Variants in ZC2HC1A observed in about 807,000 individuals in gnomAD.
ZC2HC1A encodes the protein zinc finger C2HC domain-containing protein 1A.
A neutral mutation model predicts 40.7 loss-of-function variants in ZC2HC1A; 28 were observed. The ratio of observed to expected loss-of-function variants is 0.69; its 90% CI spans 0.51 to 0.94. ZC2HC1A has a LOEUF of 0.94. ZC2HC1A is among the 40% of genes least tolerant of loss of function. ZC2HC1A has a pLI of 0.00. For synonymous variants in ZC2HC1A, 129 were observed against 129.2 expected, an observed-to-expected ratio of 1.00 and a Z score of 0.01; for missense variants, 389 against 386.3, an observed-to-expected ratio of 1.01 and a Z score of -0.06.
chr8:78,679,872 A>G (rs1809711767), intron 3 of ZC2HC1A, among the ~76,000 whole-genome samples: 1 of 152,204 alleles, frequency 6.6e-6, no homozygotes, highest in Admixed American at 6.5e-5. Flanking sequence ...AATAAGCTGT[A>G]TAAATCAATA....
intron 5 of ZC2HC1A, among the ~76,000 whole-genome samples, chr8:78,696,043 C>CT (rs1022267808): frequency 1.4e-4 from 21 of 148,620 alleles, no homozygotes; most frequent in African/African-American, 2.2e-4. Context: ...ATTTTTCTTT[C>CT]TTTTTTTTTT....
chr8:78,715,316 G>A lies in ZC2HC1A; in HGVS notation c.800G>A (p.Ser267Asn). 1 of 1,612,694 alleles carries A rather than the reference G, an allele frequency of 6.2e-7. No homozygotes were observed. The highest frequency in any genetic ancestry group is 8.5e-7 in the Non-Finnish European group (1 of 1,179,484). The change falls in exon 8 of 9, where the codon AGC becomes AAC. Residue 267 changes from serine to asparagine, a missense_variant. Coordinates refer to ENST00000263849, the MANE Select transcript of ZC2HC1A (RefSeq NM_016010.3). ...AACAAAAGAAAAACATATACTGAGAGCTACATAGCCAGGTATGTTTAGCTC... is the reference window on the plus strand; with the variant it reads ...AACAAAAGAAAAACATATACTGAGAACTACATAGCCAGGTATGTTTAGCTC... ...LTNKRKTYTE[S>N]YIARPDGDCA...
intron 7 of ZC2HC1A, among the ~76,000 whole-genome samples, chr8:78,713,710 CA>C (rs1255682405): frequency 6.6e-6 from 1 of 152,136 alleles, no homozygotes; most frequent in Non-Finnish European, 1.5e-5. Context: ...AGTAACTATG[CA>C]AAGCAACCAC....
intron 7 of ZC2HC1A, among the ~76,000 whole-genome samples, chr8:78,713,385 T>C (rs1261818668): frequency 6.6e-6 from 1 of 152,064 alleles, no homozygotes; most frequent in Non-Finnish European, 1.5e-5. Context: ...GTTACCGATA[T>C]GGTGACATTA....
At chr8:78,689,508 A>G (rs1175465511) in intron 5 of ZC2HC1A, 135 bp downstream of exon 5, 10 of 777,908 alleles carry the variant, frequency 1.3e-5, no homozygotes, top group Non-Finnish European at 1.3e-5. Context: ...TTATATATCT[A>G]TAAAAGTTGT....
intron 5 of ZC2HC1A, among the ~76,000 whole-genome samples, chr8:78,695,512 T>C (rs1443864035): frequency 6.6e-6 from 1 of 152,196 alleles, no homozygotes; most frequent in Middle Eastern, 3.2e-3. Context: ...ACAGTTTGAG[T>C]GGGTCAGCAG....
chr8:78,698,548 A>G (rs753721040), intron 7 of ZC2HC1A, 35 bp downstream of exon 7: 13 of 1,447,956 alleles, frequency 9.0e-6, no homozygotes, highest in Non-Finnish European at 1.2e-5. Context: ...TTAGTGGTAT[A>G]TAATTAAACG....
At chr8:78,703,301 T>C (rs759214820) in intron 7 of ZC2HC1A, among the ~76,000 whole-genome samples, 1 of 152,152 alleles carries the variant, frequency 6.6e-6, no homozygotes, top group African/African-American at 2.4e-5. Flanking sequence ...TTTGATCCAG[T>C]GCTGAGTTCA....
intron 8 of ZC2HC1A, among the ~76,000 whole-genome samples, chr8:78,716,418 C>T (rs1161098718): frequency 1.3e-5 from 2 of 152,012 alleles, no homozygotes; most frequent in East Asian, 1.9e-4. Flanking sequence ...CCACCGCACC[C>T]GGCCTAGTAT....
intron 3 of ZC2HC1A, among the ~76,000 whole-genome samples, chr8:78,684,314 T>A (rs1459959029): frequency 2.6e-5 from 4 of 152,198 alleles, no homozygotes; most frequent in African/African-American, 9.6e-5. Flanking sequence ...TGGTGGAAGG[T>A]GAAGAAGAAT....
At chr8:78,671,634 C>A (rs1463023711) in intron 1 of ZC2HC1A, among the ~76,000 whole-genome samples, 1 of 151,050 alleles carries the variant, frequency 6.6e-6, no homozygotes, top group Non-Finnish European at 1.5e-5. Flanking sequence ...ATATTAGCCT[C>A]ATTTAACTGT....
At chr8:78,695,514 G>A (rs28666387) in intron 5 of ZC2HC1A, among the ~76,000 whole-genome samples, 8,006 of 152,010 alleles carry the variant, frequency 0.053, 300 homozygotes, top group Non-Finnish European at 0.077. Flanking sequence ...AGTTTGAGTG[G>A]GTCAGCAGTC....
intron 3 of ZC2HC1A, among the ~76,000 whole-genome samples, chr8:78,679,565 T>C (rs1303589822): frequency 6.6e-6 from 1 of 152,186 alleles, no homozygotes; most frequent in Non-Finnish European, 1.5e-5. Flanking sequence ...GCCATGAATA[T>C]GGAACCCATG....
chr8:78,688,594 A>G (rs1810102739), intron 4 of ZC2HC1A, among the ~76,000 whole-genome samples: 1 of 152,164 alleles, frequency 6.6e-6, no homozygotes, highest in Admixed American at 6.5e-5. Flanking sequence ...GTTCTGGAAT[A>G]ATTTCAAAAG....
At chr8:78,688,510 T>G (rs2130498855) in intron 4 of ZC2HC1A, among the ~76,000 whole-genome samples, 1 of 152,302 alleles carries the variant, frequency 6.6e-6, no homozygotes, top group East Asian at 1.9e-4. Flanking sequence ...ATTAAGATTC[T>G]TTTTTGACAC....
intron 1 of ZC2HC1A, 76 bp from the exon 2 acceptor site, chr8:78,675,711 A>G: frequency 7.5e-7 from 1 of 1,328,842 alleles, no homozygotes; most frequent in Admixed American, 2.1e-5. Context: ...CTATAAAACT[A>G]AGAGAAAACA....
chr8:78,674,953 G>C (rs1174269499), intron 1 of ZC2HC1A, among the ~76,000 whole-genome samples: 1 of 152,006 alleles, frequency 6.6e-6, no homozygotes, highest in Non-Finnish European at 1.5e-5. Context: ...ACATGTTTAA[G>C]TATCATTTTT....
intron 5 of ZC2HC1A, among the ~76,000 whole-genome samples, chr8:78,693,772 AT>A (rs1563630439): frequency 3.3e-5 from 5 of 152,130 alleles, no homozygotes; most frequent in Non-Finnish European, 1.5e-5. Flanking sequence ...TTTTGTTGCC[AT>A]TGCTTTTGGT....
intron 1 of ZC2HC1A, among the ~76,000 whole-genome samples, chr8:78,669,471 A>G (rs1330538448): frequency 7.1e-6 from 1 of 141,744 alleles, no homozygotes; most frequent in African/African-American, 3.2e-5. Context: ...CAGGTCCAGT[A>G]TAGGTAAAAC....
Sources: gnomAD v4.1 joint callset for allele counts (sites outside exome capture counted in the v4.1 genomes callset) on GRCh38, gnomAD v4.1.1 for gene constraint, MANE v1.5 for transcripts, NCBI Gene and HGNC (gene_info 2026-07-23, HGNC 2026-07-21) for gene names.